The following FGF12 variants were observed in gnomAD, a reference collection of about 807,000 sequenced individuals.
The protein encoded by FGF12 is fibroblast growth factor 12B.
A neutral mutation model predicts 23.6 loss-of-function variants in FGF12; 14 were observed. The observed-to-expected ratio is 0.59, with a 90% confidence interval of 0.39 to 0.93. The LOEUF (loss-of-function observed/expected upper bound fraction) is 0.93. Among genes scored for constraint, FGF12 ranks in the 40% least tolerant of loss-of-function variants. The pLI, the probability that FGF12 is intolerant of heterozygous loss-of-function variation, is 0.00. For synonymous variants in FGF12, 62 were observed against 77.3 expected, an observed-to-expected ratio of 0.80 and a Z score of 1.04; for missense variants, 175 against 217.8, an observed-to-expected ratio of 0.80 and a Z score of 1.24.
intron 2 of FGF12, among the ~76,000 whole-genome samples, chr3:192,547,416 T>C (rs990790098): frequency 6.6e-6 from 1 of 152,232 alleles, no homozygotes; most frequent in Non-Finnish European, 1.5e-5. Flanking sequence ...ATTTTCTTTA[T>C]AGAGTCTCTG....
At chr3:192,382,650 A>G (rs2710779) in intron 2 of FGF12, among the ~76,000 whole-genome samples, 18,821 of 152,218 alleles carry the variant, frequency 0.12, 1,258 homozygotes, top group Non-Finnish European at 0.13. Context: ...GTAATCAAAC[A>G]AAAGAGATTG....
chr3:192,484,747 C>G (rs961124228), intron 2 of FGF12, among the ~76,000 whole-genome samples: 3 of 152,178 alleles, frequency 2.0e-5, no homozygotes, highest in Non-Finnish European at 4.4e-5. Context: ...GGCACTATTT[C>G]CATTGTATTT....
Position 192,531,920 on chromosome 3 carries a change from A to G in FGF12, c.14-171382T>C, listed in dbSNP as rs568183424. ...CCTAGACACTCAGCATTAGACCTAC[A>G]TTCTGGATTAGCATATACTAAAATC... On this transcript the variant is annotated intron_variant, in intron 2 of 5. Coordinates refer to ENST00000445105, the MANE Select transcript of FGF12 (RefSeq NM_004113.6). Among the ~76,000 whole-genome samples, 13 of 152,276 alleles carry G rather than the reference A, an allele frequency of 8.5e-5. No homozygotes were observed. In the South Asian group the frequency reaches 1.0e-3, roughly 12 times the overall value.
chr3:192,688,210 C>G (rs982226907), intron 2 of FGF12, among the ~76,000 whole-genome samples: 3 of 152,046 alleles, frequency 2.0e-5, no homozygotes, highest in African/African-American at 7.2e-5. Context: ...ACCTAATTGC[C>G]AATGTCATGG....
intron 4 of FGF12, among the ~76,000 whole-genome samples, chr3:192,272,371 A>G (rs942552566): frequency 6.6e-6 from 1 of 152,124 alleles, no homozygotes; most frequent in African/African-American, 2.4e-5. Flanking sequence ...GATTTTGTGA[A>G]ATTGCTATGT....
chr3:192,640,218 AC>A (rs543443335), intron 2 of FGF12, among the ~76,000 whole-genome samples: 1 of 152,298 alleles, frequency 6.6e-6, no homozygotes, highest in Non-Finnish European at 1.5e-5. Flanking sequence ...ACATTAACAA[AC>A]AAAAAACCAT....
intron 2 of FGF12, among the ~76,000 whole-genome samples, chr3:192,438,959 C>A (rs1375065077): frequency 6.6e-6 from 1 of 152,200 alleles, no homozygotes; most frequent in Non-Finnish European, 1.5e-5. Context: ...GGTAAGCCCC[C>A]ACCTTGTCCT....
intron 3 of FGF12, among the ~76,000 whole-genome samples, chr3:192,339,582 G>C (rs929871951): frequency 1.3e-5 from 2 of 152,040 alleles, no homozygotes; most frequent in Non-Finnish European, 2.9e-5. Context: ...GCTGGAGTTT[G>C]TCCTCTTTTG....
At chr3:192,680,520 A>C (rs1717488995) in intron 2 of FGF12, among the ~76,000 whole-genome samples, 1 of 152,174 alleles carries the variant, frequency 6.6e-6, no homozygotes, top group Non-Finnish European at 1.5e-5. Context: ...GTGAAAGCCA[A>C]AGAGGTCAGA....
intron 4 of FGF12, among the ~76,000 whole-genome samples, chr3:192,217,396 G>A (rs145896509): frequency 6.8e-4 from 104 of 152,220 alleles, no homozygotes; most frequent in African/African-American, 2.3e-3. Flanking sequence ...TGTACCAGCC[G>A]GTAACCAAAT....
chr3:192,335,252 A>G, intron 4 of FGF12, 109 bp downstream of exon 4: 1 of 720,458 alleles, frequency 1.4e-6, no homozygotes, highest in South Asian at 1.8e-5. Context: ...ATCACAAAAT[A>G]TAAAATGACT....
chr3:192,245,793 C>A (rs936042469), intron 4 of FGF12, among the ~76,000 whole-genome samples: 8 of 152,112 alleles, frequency 5.3e-5, no homozygotes, highest in African/African-American at 1.9e-4. Context: ...TGGGGAGACT[C>A]AGAGAGGGCT....
intron 2 of FGF12, among the ~76,000 whole-genome samples, chr3:192,516,060 C>T (rs1724658186): frequency 6.6e-6 from 1 of 152,166 alleles, no homozygotes; most frequent in Non-Finnish European, 1.5e-5. Flanking sequence ...GAACAAATTA[C>T]TTAACCGCTC....
intron 5 of FGF12, among the ~76,000 whole-genome samples, chr3:192,167,772 A>ATTTTTTTTT (rs368951795): frequency 6.5e-5 from 1 of 15,396 alleles, no homozygotes; most frequent in African/African-American, 2.2e-4. Flanking sequence ...TATATATAAA[A>ATTTTTTTTT]TTTTTTTTTT....
intron 2 of FGF12, among the ~76,000 whole-genome samples, chr3:192,634,342 A>T (rs1715503154): frequency 1.3e-5 from 2 of 152,220 alleles, no homozygotes; most frequent in Non-Finnish European, 2.9e-5. Flanking sequence ...GAATAAAATT[A>T]AATTTAAAAA....
chr3:192,469,797 C>T (rs1723118083), intron 2 of FGF12, among the ~76,000 whole-genome samples: 1 of 152,140 alleles, frequency 6.6e-6, no homozygotes. Context: ...AAAGTGGGCA[C>T]TGTGCAATAA....
intron 4 of FGF12, among the ~76,000 whole-genome samples, chr3:192,281,485 G>A (rs1048674062): frequency 2.6e-5 from 4 of 152,064 alleles, no homozygotes; most frequent in Admixed American, 6.6e-5. Flanking sequence ...TCTGAGATTC[G>A]AAGTACACAT....
chr3:192,603,621 C>T (rs532334751), intron 2 of FGF12, among the ~76,000 whole-genome samples: 131 of 152,100 alleles, frequency 8.6e-4, no homozygotes, highest in African/African-American at 3.0e-3. Flanking sequence ...GACTGTGATG[C>T]CCACCTGAGC....
At chr3:192,522,875 A>G (rs1297689138) in intron 2 of FGF12, among the ~76,000 whole-genome samples, 1 of 152,220 alleles carries the variant, frequency 6.6e-6, no homozygotes, top group African/African-American at 2.4e-5. Context: ...GCATACGTTC[A>G]CGTTTATAAA....
Sources: allele counts gnomAD v4.1 joint callset (sites outside exome capture counted in the v4.1 genomes callset), GRCh38; gene constraint gnomAD v4.1.1; transcripts MANE v1.5; gene names NCBI Gene and HGNC (gene_info 2026-07-23, HGNC 2026-07-21).